The following KIF11 variants were observed in gnomAD, a reference collection of about 807,000 sequenced individuals.
The protein encoded by KIF11 is kinesin family member 11, also known as kinesin-like protein KIF11.
A neutral mutation model predicts 121.0 loss-of-function variants in KIF11; 9 were observed. The ratio of observed to expected loss-of-function variants is 0.07; its 90% CI spans 0.04 to 0.13. KIF11 has a LOEUF of 0.13. Among genes scored for constraint, KIF11 ranks in the 10% least tolerant of loss-of-function variants. The pLI is 1.00. For synonymous variants in KIF11, 408 were observed against 421.0 expected, an observed-to-expected ratio of 0.97 and a Z score of 0.38; for missense variants, 846 against 1,217.5, an observed-to-expected ratio of 0.69 and a Z score of 4.54.
chr10:92,651,502 ATTTTGTTTTTTTTT>A (rs1844979653), intron 21 of KIF11, among the ~76,000 whole-genome samples: 1 of 21,560 alleles, frequency 4.6e-5, no homozygotes, highest in Non-Finnish European at 8.1e-5. Context: ...TGCCTGGCTA[ATTTTGTTTTTTTTT>A]TTTTTTTTTT....
At chr10:92,635,492 G>A (rs757166638) in intron 14 of KIF11, among the ~76,000 whole-genome samples, 4 of 152,152 alleles carry the variant, frequency 2.6e-5, no homozygotes, top group Non-Finnish European at 5.9e-5. Flanking sequence ...TCCAGCACAC[G>A]CCTGGTGGGA....
chr10:92,652,541 A>G (rs1178298362), intron 21 of KIF11, among the ~76,000 whole-genome samples: 1 of 152,162 alleles, frequency 6.6e-6, no homozygotes, highest in Non-Finnish European at 1.5e-5. Context: ...AGATTCTCAT[A>G]AATTCCTCCC....
intron 20 of KIF11, 111 bp downstream of exon 20, chr10:92,650,097 A>C: frequency 1.5e-5 from 12 of 777,886 alleles, no homozygotes; most frequent in Non-Finnish European, 2.3e-5. Flanking sequence ...CCCGCCTCTC[A>C]TTAATGATAG....
At chr10:92,621,291 A>G in intron 9 of KIF11, 94 bp from the exon 10 acceptor site, 1 of 632,616 alleles carries the variant, frequency 1.6e-6, no homozygotes, top group Non-Finnish European at 2.7e-6. Context: ...AAAAGACATA[A>G]AAAGGCTAAC....
chr10:92,618,657 A>AG (rs1491326987), intron 9 of KIF11, among the ~76,000 whole-genome samples: 2 of 151,234 alleles, frequency 1.3e-5, no homozygotes, highest in Admixed American at 6.6e-5. Context: ...AAAAAAAAAA[A>AG]GAAAAAAAGT....
intron 9 of KIF11, among the ~76,000 whole-genome samples, chr10:92,620,655 A>T (rs1365975005): frequency 6.6e-6 from 1 of 152,204 alleles, no homozygotes; most frequent in African/African-American, 2.4e-5. Context: ...TATTGGACTT[A>T]TAGTTCCACA....
Position 92,609,139 on chromosome 10 carries a change from T to C in KIF11, c.507T>C (p.Phe169=). The stretch of plus-strand genomic sequence containing the variant: ...TGGAGATCTATAATGAAGAGCTTTT[T>C]GATCTTCTTAATCCATCATCTGATG... ...SLLEIYNEEL[F]DLLNPSSDVS... Residue 169 remains phenylalanine, a synonymous_variant, in exon 5 of 22, where the codon TTT becomes TTC. Coordinates refer to ENST00000260731, the MANE Select transcript of KIF11 (RefSeq NM_004523.4). The C allele has an allele frequency of 6.2e-7, 1 of 1,606,250 alleles. No homozygotes were observed. Among genetic ancestry groups the C allele is most frequent in the Non-Finnish European group, 8.5e-7 (1 of 1,175,394 alleles).
chr10:92,606,445 T>G, intron 2 of KIF11, 48 bp downstream of exon 2: 1 of 1,456,396 alleles, frequency 6.9e-7, no homozygotes. Context: ...TAAAATAATT[T>G]TAATATACAT....
In KIF11 at chr10:92,651,507, G is replaced by GTTTTT. The variant is rs1175303233; in HGVS notation, c.3039+1027_3039+1031dup. Among the ~76,000 whole-genome samples the GTTTTT allele has an allele frequency of 3.8e-3, 201 of 52,938 alleles. 46 individuals carry two copies. The highest frequency in any genetic ancestry group is 0.037 in the Middle Eastern group (2 of 54). 34.7% of individuals were successfully genotyped at this position (52,938 alleles called of 152,430 possible). A position where few individuals can be genotyped will look rare whatever the true frequency, so the allele number is the denominator to read the frequency against. On this transcript the variant is annotated intron_variant, in intron 21 of 21. Coordinates refer to ENST00000260731, the MANE Select transcript of KIF11 (RefSeq NM_004523.4). ...TGTGCCACCATGCCTGGCTAATTTT[G>GTTTTT]TTTTTTTTTTTTTTTTTTTTTTTTT...
At chr10:92,618,260 C>T (rs1326535635) in intron 9 of KIF11, among the ~76,000 whole-genome samples, 2 of 142,462 alleles carry the variant, frequency 1.4e-5, no homozygotes, top group Non-Finnish European at 3.0e-5. Flanking sequence ...TCTGGCTTTA[C>T]TTTTTCCTTT....
chr10:92,613,657 G>GT lies in KIF11; in HGVS notation c.1032+39dup. ...AAAGGAAGCTGCAAGTGTAGTAGCT[G>GT]TAATTCTTATTTGGCTATTATATAT... On this transcript the variant is annotated intron_variant, in intron 8 of 21. Coordinates refer to ENST00000260731, the MANE Select transcript of KIF11 (RefSeq NM_004523.4). This position sits in a 1 kb window ranked among gnomAD's most constrained non-coding sequence, Gnocchi z 4.2. 2 of 1,560,820 alleles carry GT rather than the reference G, an allele frequency of 1.3e-6. No homozygotes were observed. Among genetic ancestry groups the GT allele is most frequent in the Admixed American group, 2.0e-5 (1 of 50,254 alleles).
At chr10:92,604,659 CCTT>C (rs1156379842) in intron 1 of KIF11, among the ~76,000 whole-genome samples, 1 of 152,010 alleles carries the variant, frequency 6.6e-6, no homozygotes, top group Non-Finnish European at 1.5e-5. Context: ...GTTGAGGTAT[CCTT>C]CTTAAATAAG....
intron 16 of KIF11, 41 bp from the exon 17 acceptor site, chr10:92,639,753 C>A: frequency 8.8e-7 from 1 of 1,132,316 alleles, no homozygotes; most frequent in South Asian, 1.3e-5. Context: ...GTTCAAGTGT[C>A]ATAATTTTAA....
chr10:92,595,842 T>C (rs1420283042), intron 1 of KIF11, among the ~76,000 whole-genome samples: 2 of 152,212 alleles, frequency 1.3e-5, no homozygotes, highest in African/African-American at 2.4e-5. Context: ...CTTTTGTGAC[T>C]TGCTCATTCC....
At chr10:92,628,987 A>AT (rs747365969) in intron 11 of KIF11, 92 bp downstream of exon 11, 6,950 of 607,656 alleles carry the variant, frequency 0.011, 1 homozygote, top group East Asian at 0.018. Context: ...TTCCTTCAAG[A>AT]TTTTTTTTTT....
At chr10:92,636,000 G>T (rs1284975062) in intron 14 of KIF11, among the ~76,000 whole-genome samples, 1 of 143,946 alleles carries the variant, frequency 6.9e-6, no homozygotes, top group African/African-American at 2.9e-5. Context: ...GATTAGATCA[G>T]GATTTTTTTT....
At chr10:92,607,105 AG>A in intron 3 of KIF11, 53 bp from the exon 4 acceptor site, 1 of 878,746 alleles carries the variant, frequency 1.1e-6, no homozygotes, top group South Asian at 1.4e-5. Context: ...TCTATCACTA[AG>A]AGTCATATGG....
intron 1 of KIF11, among the ~76,000 whole-genome samples, chr10:92,596,324 G>A (rs918045870): frequency 6.6e-6 from 1 of 152,150 alleles, no homozygotes; most frequent in Non-Finnish European, 1.5e-5. Context: ...CTTACTTTTA[G>A]CTATTATGAA....
chr10:92,630,116 T>C (rs1426759792), intron 11 of KIF11, 60 bp from the exon 12 acceptor site: 1 of 873,990 alleles, frequency 1.1e-6, no homozygotes, highest in African/African-American at 1.8e-5. Context: ...TTTTCTAATC[T>C]TATGAACTAG....
Sources: gnomAD v4.1 joint callset for allele counts (sites outside exome capture counted in the v4.1 genomes callset) on GRCh38, gnomAD v4.1.1 for gene constraint, Gnocchi (gnomAD v3.1) non-coding constraint, MANE v1.5 for transcripts, NCBI Gene and HGNC (gene_info 2026-07-23, HGNC 2026-07-21) for gene names.